Variants in SV2B observed in about 807,000 individuals in gnomAD.
SV2B encodes the protein solute carrier family 22 member B2.
SV2B carries 41 observed loss-of-function variants against 73.9 expected under a neutral mutation model. The ratio of observed to expected loss-of-function variants is 0.56; its 90% CI spans 0.43 to 0.72. The LOEUF (loss-of-function observed/expected upper bound fraction) is 0.72. Ranked by LOEUF, SV2B falls within the 30% of genes least tolerant of loss-of-function variation. The pLI is 0.00. For missense variants in SV2B, 764 were observed against 857.8 expected (o/e 0.89, Z 1.37); for synonymous variants, 314 against 314.2 (o/e 1.00, Z 0.01).
At position 91,268,090 on chromosome 15, in the gene SV2B, A is replaced by G. The variant is rs1418302365; in HGVS notation, c.1209-351A>G. 6.6e-6 allele frequency among the ~76,000 whole-genome samples: 1 copy of G among 152,232 alleles called. No individual in the cohort carries two copies. The highest frequency in any genetic ancestry group is 1.5e-5 in the Non-Finnish European group (1 of 68,050). ...AGTGCTGGGATTACAGGTGTGAGCCACCACATCCAGCCAGTGGGGATGTCT... is the reference window on the plus strand; with the variant it reads ...AGTGCTGGGATTACAGGTGTGAGCCGCCACATCCAGCCAGTGGGGATGTCT... On this transcript the variant is annotated intron_variant, in intron 8 of 12. Coordinates refer to ENST00000394232, the MANE Select transcript of SV2B (RefSeq NM_001323032.3). The surrounding 1 kb of genome is among the most constrained non-coding windows in gnomAD (Gnocchi z 4.4).
intron 1 of SV2B, among the ~76,000 whole-genome samples, chr15:91,203,555 C>T (rs1194742939): frequency 6.6e-6 from 1 of 152,196 alleles, no homozygotes; most frequent in Non-Finnish European, 1.5e-5. Context: ...TATTAAGTTT[C>T]TATTTTAAAG....
intron 1 of SV2B, among the ~76,000 whole-genome samples, chr15:91,153,260 T>TG (rs2043371207): frequency 6.6e-6 from 1 of 152,162 alleles, no homozygotes; most frequent in African/African-American, 2.4e-5. Flanking sequence ...GTATGACTTT[T>TG]GGGGGGACAA....
At chr15:91,135,327 A>G (rs2141168128) in intron 1 of SV2B, among the ~76,000 whole-genome samples, 1 of 152,236 alleles carries the variant, frequency 6.6e-6, no homozygotes, top group South Asian at 2.1e-4. Context: ...CCCTTTGAGA[A>G]CACTTGGCAT....
intron 6 of SV2B, among the ~76,000 whole-genome samples, chr15:91,263,290 A>G (rs2047983594): frequency 6.6e-6 from 1 of 152,106 alleles, no homozygotes; most frequent in African/African-American, 2.4e-5. Context: ...ACATGAACAC[A>G]GACACACAGA....
chr15:91,217,827 T>A (rs1241130845), intron 1 of SV2B, among the ~76,000 whole-genome samples: 1 of 152,108 alleles, frequency 6.6e-6, no homozygotes, highest in African/African-American at 2.4e-5. Flanking sequence ...CCCCAGAAGG[T>A]GAGTGACTTC....
chr15:91,247,262 T>C (rs1209408824), intron 2 of SV2B, among the ~76,000 whole-genome samples: 3 of 152,210 alleles, frequency 2.0e-5, no homozygotes, highest in African/African-American at 7.2e-5. Flanking sequence ...GGCAAGTTAT[T>C]GACCCTTTCT....
At chr15:91,271,028 TC>T (rs1323947543) in intron 9 of SV2B, among the ~76,000 whole-genome samples, 1 of 149,134 alleles carries the variant, frequency 6.7e-6, no homozygotes, top group African/African-American at 2.5e-5. Context: ...CTGTGGATGA[TC>T]GGAGGACGGT....
intron 1 of SV2B, among the ~76,000 whole-genome samples, chr15:91,116,107 G>A (rs1331180451): frequency 2.0e-5 from 3 of 152,148 alleles, no homozygotes; most frequent in Non-Finnish European, 2.9e-5. Context: ...AAAGAAAGGG[G>A]TACATTGTTG....
rs151265481 is a variant in SV2B at position 91,232,712 on chromosome 15, G to A, written c.451+5998G>A. ...CAGTAGTTCCTTTTGAATTTTTCAC[G>A]TTTAAAATATAATTTCAACTTCTAT... On this transcript the variant is annotated intron_variant, in intron 2 of 12. Coordinates refer to ENST00000394232, the MANE Select transcript of SV2B (RefSeq NM_001323032.3). The surrounding 1 kb of genome is among the most constrained non-coding windows in gnomAD (Gnocchi z 4.7). Among the ~76,000 whole-genome samples the A allele has an allele frequency of 3.2e-4, 48 of 152,222 alleles. No individual in the cohort carries two copies. In the East Asian group the frequency reaches 5.8e-3, roughly 18 times the overall value.
chr15:91,180,851 G>C (rs937628922), intron 1 of SV2B, among the ~76,000 whole-genome samples: 1 of 152,160 alleles, frequency 6.6e-6, no homozygotes, highest in African/African-American at 2.4e-5. Context: ...TCCTCCTGTA[G>C]CTCGGAGTAG....
At chr15:91,255,702 A>G (rs1371174402) in intron 4 of SV2B, among the ~76,000 whole-genome samples, 1 of 152,204 alleles carries the variant, frequency 6.6e-6, no homozygotes, top group African/African-American at 2.4e-5. Context: ...TGTGACTTTT[A>G]TATTCCATTT....
chr15:91,284,137 A>G lies in SV2B; in HGVS notation c.1624A>G (p.Ser542Gly). 6.2e-7 allele frequency: 1 copy of G among 1,614,208 alleles called. No individual in the cohort carries two copies. The highest frequency in any genetic ancestry group is 1.6e-4 in the Middle Eastern group (1 of 6,062). The part of the protein sequence containing the change: ...QDNDFLIYLV[S>G]FLGSLSVLPG... ...TAATGACTTCCTGATTTACCTCGTC[A>G]GCTTCCTGGGCAGCCTGTCTGTCTT... Residue 542 changes from serine to glycine, a missense_variant, in exon 11 of 13, where the codon AGC becomes GGC. Transcript: ENST00000394232. This position sits in a 1 kb window ranked among gnomAD's most constrained non-coding sequence, Gnocchi z 4.5.
intron 1 of SV2B, among the ~76,000 whole-genome samples, chr15:91,107,321 A>ATTTATTTT (rs1206428310): frequency 4.0e-5 from 6 of 151,378 alleles, no homozygotes; most frequent in Non-Finnish European, 8.8e-5. Flanking sequence ...TTATTTATTT[A>ATTTATTTT]TTTATTTTTT....
intron 1 of SV2B, among the ~76,000 whole-genome samples, chr15:91,149,853 A>C (rs1259360610): frequency 6.6e-6 from 1 of 152,188 alleles, no homozygotes; most frequent in African/African-American, 2.4e-5. Context: ...TGACCTTTCA[A>C]ATGTGTCATA....
chr15:91,188,288 TTTA>T (rs2044855167), intron 1 of SV2B, among the ~76,000 whole-genome samples: 1 of 28,406 alleles, frequency 3.5e-5, no homozygotes, highest in East Asian at 2.5e-3. Context: ...CTTATTTTTA[TTTA>T]TTTATTTATT....
At chr15:91,168,599 C>T (rs1016012609) in intron 1 of SV2B, among the ~76,000 whole-genome samples, 1 of 152,024 alleles carries the variant, frequency 6.6e-6, no homozygotes, top group African/African-American at 2.4e-5. Flanking sequence ...GAGATTTTTC[C>T]ATCTGTGCCT....
At chr15:91,155,064 A>G (rs1325995879) in intron 1 of SV2B, among the ~76,000 whole-genome samples, 1 of 152,138 alleles carries the variant, frequency 6.6e-6, no homozygotes, top group Non-Finnish European at 1.5e-5. Context: ...AATATCCCAA[A>G]GTACCGCTTC....
chr15:91,152,387 A>G (rs2043341397), intron 1 of SV2B, among the ~76,000 whole-genome samples: 1 of 152,130 alleles, frequency 6.6e-6, no homozygotes. Flanking sequence ...CAGCCTTGAG[A>G]GGTGGCATAA....
At chr15:91,163,041 G>T (rs1244928765) in intron 1 of SV2B, among the ~76,000 whole-genome samples, 4 of 151,944 alleles carry the variant, frequency 2.6e-5, no homozygotes, top group Non-Finnish European at 5.9e-5. Flanking sequence ...GCAATAATTT[G>T]CTCAGAATGA....
Sources: gnomAD v4.1 joint callset for allele counts (sites outside exome capture counted in the v4.1 genomes callset) on GRCh38, gnomAD v4.1.1 for gene constraint, Gnocchi (gnomAD v3.1) non-coding constraint, MANE v1.5 for transcripts, NCBI Gene and HGNC (gene_info 2026-07-23, HGNC 2026-07-21) for gene names.